The following SPOCK3 variants were observed in gnomAD, a reference collection of about 807,000 sequenced individuals.
The protein encoded by SPOCK3 is SPARC (osteonectin), cwcv and kazal like domains proteoglycan 3.
In SPOCK3, 30 loss-of-function variants were observed where a neutral mutation model predicts 56.6. The observed-to-expected ratio is 0.53, with a 90% CI of 0.40 to 0.72. The LOEUF (loss-of-function observed/expected upper bound fraction) is 0.72, where lower values mean the gene tolerates loss of function less well. Among genes scored for constraint, SPOCK3 ranks in the 30% least tolerant of loss-of-function variants. The pLI, the probability that SPOCK3 is intolerant of heterozygous loss-of-function variation, is 0.00. For missense variants in SPOCK3, 527 were observed against 530.0 expected (o/e 0.99, Z 0.06); for synonymous variants, 196 against 183.3 (o/e 1.07, Z -0.56).
chr4:167,146,776 C>T (rs188260922), intron 2 of SPOCK3, among the ~76,000 whole-genome samples: 2 of 152,158 alleles, frequency 1.3e-5, no homozygotes, highest in African/African-American at 4.8e-5. Context: ...AACAAAGACA[C>T]AACGTACCAG....
At chr4:166,977,292 T>C (rs190291287) in intron 4 of SPOCK3, among the ~76,000 whole-genome samples, 1 of 152,238 alleles carries the variant, frequency 6.6e-6, no homozygotes, top group East Asian at 1.9e-4. Context: ...GGTCTTGTTT[T>C]GTAGAGTCAA....
chr4:167,229,003 A>G (rs929000550), intron 2 of SPOCK3, among the ~76,000 whole-genome samples: 1 of 152,184 alleles, frequency 6.6e-6, no homozygotes, highest in Non-Finnish European at 1.5e-5. Flanking sequence ...CACTCATGAT[A>G]ATGCACTCAA....
At chr4:166,764,106 C>T (rs541307668) in intron 7 of SPOCK3, among the ~76,000 whole-genome samples, 68 of 152,166 alleles carry the variant, frequency 4.5e-4, no homozygotes, top group Non-Finnish European at 7.2e-4. Flanking sequence ...TACTTCTAGG[C>T]TTGTGGTCAC....
chr4:166,967,807 T>C (rs1006742469), intron 4 of SPOCK3, among the ~76,000 whole-genome samples: 1 of 152,036 alleles, frequency 6.6e-6, no homozygotes, highest in African/African-American at 2.4e-5. Context: ...CAGGCAAAGG[T>C]TGGCACAATC....
At chr4:166,886,472 T>A (rs1040431520) in intron 6 of SPOCK3, among the ~76,000 whole-genome samples, 2 of 152,214 alleles carry the variant, frequency 1.3e-5, no homozygotes, top group South Asian at 2.1e-4. Flanking sequence ...AATTTATCTG[T>A]TTTTATTTAT....
intron 2 of SPOCK3, among the ~76,000 whole-genome samples, chr4:167,064,663 T>C (rs1423320419): frequency 1.3e-5 from 2 of 151,748 alleles, no homozygotes; most frequent in Non-Finnish European, 2.9e-5. Flanking sequence ...ACGTGAGTGA[T>C]GGATTTGGAG....
intron 5 of SPOCK3, among the ~76,000 whole-genome samples, chr4:166,906,647 A>G (rs892868162): frequency 6.6e-6 from 1 of 151,972 alleles, no homozygotes; most frequent in Non-Finnish European, 1.5e-5. Flanking sequence ...CTTATTTATC[A>G]TGCATAATAT....
chr4:166,997,825 C>A (rs1471333972), intron 4 of SPOCK3, among the ~76,000 whole-genome samples: 1 of 152,096 alleles, frequency 6.6e-6, no homozygotes, highest in East Asian at 1.9e-4. Context: ...GAAGAAACAG[C>A]GGGTTTCCTT....
chr4:167,020,564 CA>C (rs1357310594), intron 3 of SPOCK3, among the ~76,000 whole-genome samples: 2 of 152,034 alleles, frequency 1.3e-5, no homozygotes, highest in Admixed American at 1.3e-4. Context: ...CATGTGAGAA[CA>C]GTGTTCATAC....
chr4:167,095,367 A>C (rs1759061649), intron 2 of SPOCK3, among the ~76,000 whole-genome samples: 1 of 152,112 alleles, frequency 6.6e-6, no homozygotes, highest in Non-Finnish European at 1.5e-5. Flanking sequence ...ATGTCATCAA[A>C]GATAATTCTA....
intron 3 of SPOCK3, among the ~76,000 whole-genome samples, chr4:167,048,241 A>G (rs1188922255): frequency 3.3e-5 from 5 of 151,938 alleles, no homozygotes; most frequent in Admixed American, 2.0e-4. Flanking sequence ...TGTTCAACTC[A>G]TCATCTTTCT....
chr4:166,933,585 A>T (rs553781806), intron 4 of SPOCK3, among the ~76,000 whole-genome samples: 1 of 152,154 alleles, frequency 6.6e-6, no homozygotes, highest in Non-Finnish European at 1.5e-5. Context: ...ATGTTAGGAG[A>T]CAATTCATGT....
At chr4:167,095,621 T>C (rs895599603) in intron 2 of SPOCK3, among the ~76,000 whole-genome samples, 1 of 151,846 alleles carries the variant, frequency 6.6e-6, no homozygotes, top group Non-Finnish European at 1.5e-5. Flanking sequence ...GAGGAATCAA[T>C]TACTACTCAC....
chr4:166,832,451 A>G (rs1225994182), intron 6 of SPOCK3, among the ~76,000 whole-genome samples: 4 of 152,160 alleles, frequency 2.6e-5, no homozygotes, highest in Non-Finnish European at 5.9e-5. Context: ...GAGAACATGT[A>G]TACTTTGTTG....
At chr4:166,791,047 G>A (rs888084426) in intron 7 of SPOCK3, among the ~76,000 whole-genome samples, 6 of 152,102 alleles carry the variant, frequency 3.9e-5, no homozygotes, top group Non-Finnish European at 7.4e-5. Flanking sequence ...AGATAAGCCT[G>A]AGGAACTCTT....
Position 166,749,284 on chromosome 4 carries a change from A to G in SPOCK3, c.931+5224T>C, listed in dbSNP as rs926131940. Among the ~76,000 whole-genome samples the G allele has an allele frequency of 5.7e-4, 78 of 137,786 alleles. 23 individuals are homozygous for G. Among genetic ancestry groups the G allele is most frequent in the African/African-American group, 2.3e-3 (76 of 32,508 alleles). 90.4% of individuals were successfully genotyped at this position (137,786 alleles called of 152,430 possible). A position where few individuals can be genotyped will look rare whatever the true frequency, so the allele number is the denominator to read the frequency against. On this transcript the variant is annotated intron_variant, in intron 8 of 10. Transcript: ENST00000357545. ...TGGTTTAAGAAAATGTGGCACATAT[A>G]CATCTTGGAATACTATGCAGCCATA...
intron 3 of SPOCK3, among the ~76,000 whole-genome samples, chr4:167,010,713 A>G (rs1483760061): frequency 6.6e-6 from 1 of 152,136 alleles, no homozygotes; most frequent in Non-Finnish European, 1.5e-5. Context: ...ACCCAGAAGG[A>G]ATAGTGAATT....
At chr4:167,089,332 G>A (rs1220671203) in intron 2 of SPOCK3, among the ~76,000 whole-genome samples, 1 of 151,988 alleles carries the variant, frequency 6.6e-6, no homozygotes, top group Non-Finnish European at 1.5e-5. Context: ...CAGAGGAAGT[G>A]GCATGAGTTA....
chr4:166,837,822 C>CAGGA (rs1746794224), intron 6 of SPOCK3, among the ~76,000 whole-genome samples: 1 of 151,876 alleles, frequency 6.6e-6, no homozygotes, highest in Admixed American at 6.6e-5. Context: ...TTCTTTTTTC[C>CAGGA]AGACTTTCCT....
Sources: allele counts gnomAD v4.1 joint callset (sites outside exome capture counted in the v4.1 genomes callset), GRCh38; gene constraint gnomAD v4.1.1; transcripts MANE v1.5; gene names NCBI Gene and HGNC (gene_info 2026-07-23, HGNC 2026-07-21).